Variants in NPEPPS observed in about 807,000 individuals in gnomAD.
The protein encoded by NPEPPS is aminopeptidase puromycin sensitive.
Under a neutral mutation model 115.5 loss-of-function variants are expected in NPEPPS, and 14 were observed. The ratio of observed to expected loss-of-function variants is 0.12; its 90% CI spans 0.08 to 0.19. NPEPPS has a LOEUF of 0.19. Ranked by LOEUF, NPEPPS falls within the 10% of genes least tolerant of loss-of-function variation. NPEPPS has a pLI of 1.00. For missense variants in NPEPPS, 523 were observed against 1,110.8 expected (o/e 0.47, Z 7.52); for synonymous variants, 285 against 390.6 (o/e 0.73, Z 3.19).
intron 1 of NPEPPS, among the ~76,000 whole-genome samples, chr17:47,525,746 G>GA (rs1907405397): frequency 6.6e-6 from 1 of 152,126 alleles, no homozygotes; most frequent in Non-Finnish European, 1.5e-5. Flanking sequence ...GTACATACAG[G>GA]AAAGGCTACA....
At chr17:47,543,221 C>G (rs982589794) in intron 1 of NPEPPS, among the ~76,000 whole-genome samples, 3 of 149,676 alleles carry the variant, frequency 2.0e-5, no homozygotes, top group Non-Finnish European at 4.4e-5. Context: ...TAATGGCGCG[C>G]ACACACACAC....
At chr17:47,591,394 A>T (rs62074015) in intron 10 of NPEPPS, among the ~76,000 whole-genome samples, 68,049 of 151,742 alleles carry the variant, frequency 0.45, 16,192 homozygotes, top group East Asian at 0.55. Context: ...AAAGAATAGT[A>T]TGGGAGAAGT....
At chr17:47,547,658 G>C (rs1909314146) in intron 2 of NPEPPS, among the ~76,000 whole-genome samples, 1 of 152,088 alleles carries the variant, frequency 6.6e-6, no homozygotes, top group Non-Finnish European at 1.5e-5. Context: ...ACACCTGGTT[G>C]CCTTTTTACT....
intron 19 of NPEPPS, among the ~76,000 whole-genome samples, chr17:47,616,678 C>T (rs1195831424): frequency 7.5e-5 from 11 of 146,594 alleles, no homozygotes; most frequent in Non-Finnish European, 1.5e-4. Context: ...AGTAAGACTC[C>T]GTCTCAAAAA....
rs35634041 is a variant in NPEPPS, at chr17:47,550,631, ATT to A, written c.340+4652_340+4653del. Among the ~76,000 whole-genome samples the A allele has an allele frequency of 7.1e-3, 933 of 131,516 alleles. 9 individuals carry two copies. Among genetic ancestry groups the A allele is most frequent in the Middle Eastern group, 0.02 (5 of 256 alleles). The allele number at this position is 131,516 out of a possible 152,430, so 86.3% of individuals were successfully genotyped here. The stretch of plus-strand genomic sequence containing the variant: ...ATATATATGTATATATATATATATA[ATT>A]TTTTTTTTTTTTTGAGACAGTTTCA... On this transcript the variant is annotated intron_variant, in intron 2 of 22. Transcript: ENST00000322157.
At chr17:47,571,472 A>G (rs1178239508) in intron 3 of NPEPPS, among the ~76,000 whole-genome samples, 2 of 152,236 alleles carry the variant, frequency 1.3e-5, no homozygotes, top group Non-Finnish European at 2.9e-5. Context: ...TAATCCCAGC[A>G]CTTTGGGAGG....
chr17:47,616,740 ACACCATT>A (rs1230627232), intron 19 of NPEPPS, among the ~76,000 whole-genome samples: 6 of 149,650 alleles, frequency 4.0e-5, no homozygotes, highest in African/African-American at 1.5e-4. Flanking sequence ...AGCTGAGGTA[ACACCATT>A]GCACTCCAGC....
At position 47,590,467 on chromosome 17, in the gene NPEPPS, A is replaced by G. The variant is rs142298832; in HGVS notation, c.1096-250A>G. Among the ~76,000 whole-genome samples, 424 of 151,910 alleles carry G rather than the reference A, an allele frequency of 2.8e-3. 1 individual carries two copies. Among genetic ancestry groups the G allele is most frequent in the African/African-American group, 9.9e-3 (410 of 41,414 alleles). Reference sequence around the variant, plus strand: ...ACAAGACTTTGTCTCAAAAAAAAAAAAAAGAAAAGAAAGGAAAAGAAAATG... The same window carrying G: ...ACAAGACTTTGTCTCAAAAAAAAAAGAAAGAAAAGAAAGGAAAAGAAAATG... On this transcript the variant is annotated intron_variant, in intron 9 of 22. Coordinates refer to ENST00000322157, the MANE Select transcript of NPEPPS (RefSeq NM_006310.4).
chr17:47,568,370 CA>C (rs1369436265), intron 2 of NPEPPS, among the ~76,000 whole-genome samples: 1 of 152,110 alleles, frequency 6.6e-6, no homozygotes, highest in African/African-American at 2.4e-5. Context: ...GGGGTTTCGC[CA>C]TGTTGGCCAG....
intron 4 of NPEPPS, 154 bp downstream of exon 4, chr17:47,579,665 A>G (rs528112368): frequency 1.1e-4 from 60 of 532,622 alleles, no homozygotes; most frequent in African/African-American, 1.1e-3. Context: ...TTTAGCCATT[A>G]TCTCTATAGA....
intron 19 of NPEPPS, 63 bp downstream of exon 19, chr17:47,613,788 C>T: frequency 8.4e-7 from 1 of 1,195,178 alleles, no homozygotes; most frequent in Non-Finnish European, 1.2e-6. Context: ...CACAGTAAAC[C>T]TCTAAATGGT....
chr17:47,579,674 G>A (rs1911742407), intron 4 of NPEPPS, 163 bp downstream of exon 4: 1 of 519,028 alleles, frequency 1.9e-6, no homozygotes, highest in East Asian at 3.7e-5. Context: ...TATCTCTATA[G>A]AAAGGAGGGA....
chr17:47,530,145 A>C (rs1907633280), upstream of NPEPPS, among the ~76,000 whole-genome samples: 1 of 135,806 alleles, frequency 7.4e-6, no homozygotes, highest in Non-Finnish European at 1.6e-5. Context: ...GGGTTTCACC[A>C]TATTGGCCAG....
At chr17:47,528,021 G>T (rs1395939849), upstream of NPEPPS, among the ~76,000 whole-genome samples, 1 of 151,890 alleles carries the variant, frequency 6.6e-6, no homozygotes. Flanking sequence ...TATTATATGG[G>T]CTGGGCACAG....
intron 12 of NPEPPS, among the ~76,000 whole-genome samples, chr17:47,594,667 CTG>C (rs1912746253): frequency 1.3e-5 from 2 of 148,244 alleles, no homozygotes; most frequent in South Asian, 4.3e-4. Context: ...GAGTCTCGCT[CTG>C]TCGCCCAGGC....
chr17:47,536,059 G>C (rs1908224539), intron 1 of NPEPPS, among the ~76,000 whole-genome samples: 1 of 151,994 alleles, frequency 6.6e-6, no homozygotes, highest in Admixed American at 6.6e-5. Flanking sequence ...GGATGGTCTT[G>C]ATCTCCTGAC....
chr17:47,531,938 G>A lies in NPEPPS; in HGVS notation c.255+383G>A, dbSNP rs1454386028. Among the ~76,000 whole-genome samples, 6 of 152,200 alleles carry A rather than the reference G, an allele frequency of 3.9e-5. No individual in the cohort carries two copies. In the South Asian group the frequency reaches 1.0e-3, roughly 26 times the overall value. ...GGCTGGAGGGTGTTGGGGGAGGACG[G>A]AGAGGTCATGGGAGTCCCCGCTCTG... On this transcript the variant is annotated intron_variant, in intron 1 of 22. Transcript: ENST00000322157.
chr17:47,524,499 AT>A (rs540272108), intron 1 of NPEPPS, among the ~76,000 whole-genome samples: 179 of 141,564 alleles, frequency 1.3e-3, no homozygotes, highest in Non-Finnish European at 1.3e-3. Context: ...AATTAAAAAC[AT>A]TTTTTTTTTT....
intron 3 of NPEPPS, among the ~76,000 whole-genome samples, chr17:47,578,783 T>A (rs1911688616): frequency 6.6e-6 from 1 of 152,144 alleles, no homozygotes; most frequent in East Asian, 1.9e-4. Flanking sequence ...ATGCAATCAG[T>A]GTTCCATTTG....
Sources: allele counts gnomAD v4.1 joint callset (sites outside exome capture counted in the v4.1 genomes callset), GRCh38; gene constraint gnomAD v4.1.1; transcripts MANE v1.5; gene names NCBI Gene and HGNC (gene_info 2026-07-23, HGNC 2026-07-21).